Variants in SEMA6D observed in about 807,000 individuals in gnomAD.
SEMA6D encodes semaphorin 6D, also known as semaphorin-6D.
A neutral mutation model predicts 106.6 loss-of-function variants in SEMA6D; 35 were observed. The observed-to-expected ratio is 0.33, with a 90% CI of 0.25 to 0.44. The LOEUF is 0.44. Ranked by LOEUF, SEMA6D falls within the 20% of genes least tolerant of loss-of-function variation. The probability of loss-of-function intolerance (pLI) is 1.00; values close to 1 mark genes in which losing one functional copy is unlikely to be tolerated. For missense variants in SEMA6D, 1,185 were observed against 1,345.9 expected (o/e 0.88, Z 1.87); for synonymous variants, 499 against 487.7 (o/e 1.02, Z -0.31).
intron 3 of SEMA6D, among the ~76,000 whole-genome samples, chr15:47,480,550 G>A (rs1361677669): frequency 6.6e-6 from 1 of 151,956 alleles, no homozygotes; most frequent in Non-Finnish European, 1.5e-5. Flanking sequence ...CTTGGCTTAT[G>A]TTATCCCAAA....
At chr15:47,666,349 C>T (rs1265445409) in intron 4 of SEMA6D, among the ~76,000 whole-genome samples, 5 of 152,122 alleles carry the variant, frequency 3.3e-5, no homozygotes, top group African/African-American at 1.2e-4. Context: ...CCTATTTTGC[C>T]CCTGTTGAGT....
chr15:47,463,533 C>A (rs1349888489), intron 2 of SEMA6D, among the ~76,000 whole-genome samples: 1 of 152,170 alleles, frequency 6.6e-6, no homozygotes, highest in Admixed American at 6.5e-5. Context: ...GTGGTGGCAG[C>A]TGAAGCACAT....
chr15:47,546,510 A>G (rs759359829), intron 3 of SEMA6D, among the ~76,000 whole-genome samples: 2 of 152,166 alleles, frequency 1.3e-5, no homozygotes, highest in Non-Finnish European at 2.9e-5. Flanking sequence ...ATCTCCAAGT[A>G]TTTTGGAATA....
In SEMA6D at chr15:47,383,385, C is replaced by T. The variant is rs187259660; in HGVS notation, c.-238-29008C>T. Among the ~76,000 whole-genome samples the T allele has an allele frequency of 2.0e-3, 297 of 152,220 alleles. 1 individual carries two copies. Among genetic ancestry groups the T allele is most frequent in the African/African-American group, 6.7e-3 (279 of 41,542 alleles). ...TGTGAGACGATAGTGCCTCCCATGA[C>T]GAGGGAAGATGGGCACAAGCACTAT... is the stretch of plus-strand genomic sequence containing the variant. On this transcript the variant is annotated intron_variant, in intron 1 of 19. Transcript: ENST00000558014.
At chr15:47,555,084 C>T (rs2045877935) in intron 3 of SEMA6D, among the ~76,000 whole-genome samples, 1 of 152,120 alleles carries the variant, frequency 6.6e-6, no homozygotes, top group African/African-American at 2.4e-5. Flanking sequence ...ATGGATATAC[C>T]AATCATATGC....
At chr15:47,734,067 A>T (rs1462187805) in intron 1 of SEMA6D, among the ~76,000 whole-genome samples, 1 of 152,182 alleles carries the variant, frequency 6.6e-6, no homozygotes, top group Admixed American at 6.5e-5. Flanking sequence ...TGGGGTGGGA[A>T]GGTTTATCAT....
intron 1 of SEMA6D, chr15:47,731,040 G>T (rs1205186459): frequency 3.4e-6 from 2 of 580,896 alleles, no homozygotes; most frequent in East Asian, 5.5e-5. Flanking sequence ...TCATGAATGT[G>T]CATGTAGCTA....
chr15:47,432,138 T>C (rs969605290), intron 2 of SEMA6D, among the ~76,000 whole-genome samples: 4 of 152,054 alleles, frequency 2.6e-5, no homozygotes, highest in Non-Finnish European at 5.9e-5. Flanking sequence ...TAGTGAACCC[T>C]AAAAGAGCCA....
chr15:47,262,175 G>T (rs1323245009), intron 1 of SEMA6D, among the ~76,000 whole-genome samples: 1 of 152,056 alleles, frequency 6.6e-6, no homozygotes, highest in African/African-American at 2.4e-5. Context: ...ACTGCTCAAA[G>T]AAATCAGAGA....
chr15:47,490,682 G>T (rs1316037674), intron 3 of SEMA6D, among the ~76,000 whole-genome samples: 5 of 152,152 alleles, frequency 3.3e-5, no homozygotes, highest in Admixed American at 6.5e-5. Context: ...CTACAAACTA[G>T]CGCAGCAATA....
chr15:47,417,887 C>G (rs1388958043), intron 2 of SEMA6D, among the ~76,000 whole-genome samples: 1 of 151,414 alleles, frequency 6.6e-6, no homozygotes, highest in Non-Finnish European at 1.5e-5. Context: ...TATTGCTAGA[C>G]AGTGTTTTGT....
At chr15:47,304,433 TAAAAAAAAAAAAAAAAAA>T (rs56185341) in intron 1 of SEMA6D, among the ~76,000 whole-genome samples, 53,237 of 94,972 alleles carry the variant, frequency 0.56, 13,911 homozygotes, top group Admixed American at 0.64. Context: ...GCCTTCTAAC[TAAAAAAAAAAAAAAAAAA>T]AAAAAAAAAA....
At chr15:47,387,602 A>G (rs1168293976) in intron 1 of SEMA6D, among the ~76,000 whole-genome samples, 1 of 152,260 alleles carries the variant, frequency 6.6e-6, no homozygotes, top group Admixed American at 6.5e-5. Flanking sequence ...TCTTCTAATT[A>G]TATGACTAAC....
At chr15:47,617,699 G>A (rs2077032054) in intron 4 of SEMA6D, among the ~76,000 whole-genome samples, 2 of 152,168 alleles carry the variant, frequency 1.3e-5, no homozygotes, top group South Asian at 4.1e-4. Flanking sequence ...ACTGAGATCT[G>A]TTGACCTAAG....
chr15:47,751,358 C>T (rs1015126238), intron 1 of SEMA6D, among the ~76,000 whole-genome samples: 1 of 152,108 alleles, frequency 6.6e-6, no homozygotes, highest in African/African-American at 2.4e-5. Context: ...TTCTCTTTGC[C>T]CTCTCTCAAC....
intron 3 of SEMA6D, among the ~76,000 whole-genome samples, chr15:47,515,478 A>G (rs2044359701): frequency 6.6e-6 from 1 of 152,182 alleles, no homozygotes; most frequent in Admixed American, 6.5e-5. Context: ...TAGGCTCTCA[A>G]CAAATACTTG....
At chr15:47,209,849 A>G (rs1895361566) in intron 1 of SEMA6D, among the ~76,000 whole-genome samples, 1 of 152,180 alleles carries the variant, frequency 6.6e-6, no homozygotes, top group South Asian at 2.1e-4. Flanking sequence ...AATTCTTATG[A>G]ATGCTTTTGA....
intron 3 of SEMA6D, among the ~76,000 whole-genome samples, chr15:47,478,514 G>T (rs567480766): frequency 1.3e-5 from 2 of 152,140 alleles, no homozygotes; most frequent in Non-Finnish European, 2.9e-5. Context: ...TAACCAGAAC[G>T]GTCAGGCTAA....
At chr15:47,418,653 G>A (rs528605454) in intron 2 of SEMA6D, among the ~76,000 whole-genome samples, 45 of 152,164 alleles carry the variant, frequency 3.0e-4, no homozygotes, top group African/African-American at 9.4e-4. Flanking sequence ...GGATTTTGGC[G>A]GAACATGAAC....
Sources: allele counts gnomAD v4.1 joint callset (sites outside exome capture counted in the v4.1 genomes callset), GRCh38; gene constraint gnomAD v4.1.1; transcripts MANE v1.5; gene names NCBI Gene and HGNC (gene_info 2026-07-23, HGNC 2026-07-21).